RBFOX1: variants seen among roughly 807,000 people sequenced by gnomAD.
The protein encoded by RBFOX1 is RNA binding fox-1 homolog 1.
In RBFOX1, 8 loss-of-function variants were observed where a neutral mutation model predicts 57.7. The observed-to-expected ratio is 0.14, with a 90% CI of 0.08 to 0.25. RBFOX1 has a LOEUF of 0.25. Among genes scored for constraint, RBFOX1 ranks in the 10% least tolerant of loss-of-function variants. The pLI is 1.00. For synonymous variants in RBFOX1, 326 were observed against 222.4 expected, an observed-to-expected ratio of 1.47 and a Z score of -4.15; for missense variants, 611 against 548.5, an observed-to-expected ratio of 1.11 and a Z score of -1.14.
intron 3 of RBFOX1, among the ~76,000 whole-genome samples, chr16:6,995,390 C>G (rs891133238): frequency 1.0e-4 from 15 of 150,644 alleles, no homozygotes; most frequent in African/African-American, 3.2e-4. Context: ...GGATTTTTCA[C>G]TTTATTATTG....
intron 1 of RBFOX1, among the ~76,000 whole-genome samples, chr16:5,417,567 A>G (rs971881610): frequency 7.2e-5 from 11 of 152,092 alleles, no homozygotes; most frequent in African/African-American, 2.7e-4. Context: ...GGCTTAAGAG[A>G]AGGAAAACAA....
At chr16:6,887,668 T>A (rs1412120780) in intron 3 of RBFOX1, among the ~76,000 whole-genome samples, 2 of 68,912 alleles carry the variant, frequency 2.9e-5, no homozygotes, top group South Asian at 5.8e-4. Flanking sequence ...TCCATAGTCA[T>A]TTTTTTTTTT....
intron 11 of RBFOX1, among the ~76,000 whole-genome samples, chr16:7,639,029 A>G (rs2062285965): frequency 2.6e-5 from 4 of 152,066 alleles, no homozygotes; most frequent in African/African-American, 7.3e-5. Context: ...CCTGGTACCT[A>G]TTAAGATCAA....
At chr16:6,032,856 G>A (rs1250160623) in intron 1 of RBFOX1, among the ~76,000 whole-genome samples, 1 of 149,368 alleles carries the variant, frequency 6.7e-6, no homozygotes, top group Non-Finnish European at 1.5e-5. Context: ...CAGAAAAGTG[G>A]TTTCAAAATG....
At chr16:5,623,070 A>G (rs1482778298) in intron 3 of RBFOX1, among the ~76,000 whole-genome samples, 1 of 152,100 alleles carries the variant, frequency 6.6e-6, no homozygotes, top group Non-Finnish European at 1.5e-5. Flanking sequence ...GGAGTCTTGG[A>G]ACCAACCCCT....
intron 2 of RBFOX1, among the ~76,000 whole-genome samples, chr16:6,596,766 T>C (rs2097780243): frequency 2.0e-5 from 3 of 152,198 alleles, no homozygotes; most frequent in African/African-American, 7.2e-5. Context: ...TTCTTGGATA[T>C]ACATGCATGC....
intron 1 of RBFOX1, among the ~76,000 whole-genome samples, chr16:5,258,928 GTCTC>G (rs2062658346): frequency 6.6e-6 from 1 of 151,538 alleles, no homozygotes; most frequent in Admixed American, 6.6e-5. Flanking sequence ...AAAAAAAGAA[GTCTC>G]TCACTGTGGT....
chr16:6,903,778 G>A (rs114478040), intron 3 of RBFOX1, among the ~76,000 whole-genome samples: 166 of 152,254 alleles, frequency 1.1e-3, no homozygotes, highest in African/African-American at 3.8e-3. Context: ...AGGGCCTTTC[G>A]GAGCTGCCGC....
chr16:7,060,462 A>G (rs1007504910), intron 4 of RBFOX1, among the ~76,000 whole-genome samples: 6 of 152,212 alleles, frequency 3.9e-5, no homozygotes, highest in Non-Finnish European at 8.8e-5. Context: ...GCCTGAAGTT[A>G]TTTCTATATC....
chr16:5,469,525 C>G (rs531423284), intron 2 of RBFOX1, among the ~76,000 whole-genome samples: 9 of 152,268 alleles, frequency 5.9e-5, no homozygotes, highest in Non-Finnish European at 1.2e-4. Flanking sequence ...ATTCATATAA[C>G]ATGAAGTTAG....
At chr16:5,762,759 T>C (rs570647271) in intron 3 of RBFOX1, among the ~76,000 whole-genome samples, 6 of 152,360 alleles carry the variant, frequency 3.9e-5, no homozygotes, top group Non-Finnish European at 7.3e-5. Context: ...AAATATGATT[T>C]GGTAAACACG....
chr16:6,807,141 T>A (rs2087044900), intron 3 of RBFOX1, among the ~76,000 whole-genome samples: 1 of 151,872 alleles, frequency 6.6e-6, no homozygotes, highest in Non-Finnish European at 1.5e-5. Flanking sequence ...GCCTCTTTTT[T>A]TCCTTTTAAT....
chr16:5,668,639 A>G lies in RBFOX1; in HGVS notation c.318+69678A>G, dbSNP rs116146816. Among the ~76,000 whole-genome samples the G allele has an allele frequency of 3.3e-5, 5 of 152,292 alleles. No individual in the cohort carries two copies. In the East Asian group the frequency reaches 9.7e-4, roughly 29 times the overall value. The stretch of plus-strand genomic sequence containing the variant: ...GTAGGTGTGTTATGCATAACTCTTC[A>G]TTTTAACCAAACCAGCAGTTTCTTC... On this transcript the variant is annotated intron_variant, in intron 3 of 19. Coordinates refer to the RBFOX1 transcript ENST00000641259.
rs7190331 is a variant in RBFOX1 at position 7,408,229 on chromosome 16, C to T, written c.28-109918C>T. 8.5e-3 allele frequency among the ~76,000 whole-genome samples: 1,298 copies of T among 152,274 alleles called. 17 individuals are homozygous for T. The highest frequency in any genetic ancestry group is 0.029 in the African/African-American group (1,206 of 41,540). On this transcript the variant is annotated intron_variant, in intron 4 of 15. Transcript: ENST00000550418. ...AAAGTCTCAAGTTAAGGGAGACTGA[C>T]ACTCAAATCATTTAGATTTTTTTTT... is the stretch of plus-strand genomic sequence containing the variant.
intron 12 of RBFOX1, among the ~76,000 whole-genome samples, chr16:7,663,532 T>TGTGTGTGTG (rs1555736041): frequency 6.6e-6 from 1 of 150,512 alleles, no homozygotes; most frequent in African/African-American, 2.5e-5. Context: ...TGTGTGTGTG[T>TGTGTGTGTG]TGTAAAATGC....
At chr16:5,416,079 C>T (rs909763771) in intron 1 of RBFOX1, among the ~76,000 whole-genome samples, 1 of 152,186 alleles carries the variant, frequency 6.6e-6, no homozygotes, top group Non-Finnish European at 1.5e-5. Flanking sequence ...AAATTTAAGT[C>T]TTACACTGGG....
At chr16:5,287,836 C>A (rs1186158688) in intron 1 of RBFOX1, among the ~76,000 whole-genome samples, 1 of 152,220 alleles carries the variant, frequency 6.6e-6, no homozygotes, top group Admixed American at 6.5e-5. Context: ...TGCTCCGATT[C>A]TTCAGTGGGA....
At chr16:5,343,298 G>GTTTTTTTTTTTTTTTTT (rs33934959) in intron 1 of RBFOX1, among the ~76,000 whole-genome samples, 12 of 109,946 alleles carry the variant, frequency 1.1e-4, no homozygotes, top group East Asian at 3.0e-4. Context: ...CTTCTTTGAA[G>GTTTTTTTTTTTTTTTTT]TTTTTTTTTT....
At chr16:6,793,074 C>G (rs998638483) in intron 3 of RBFOX1, among the ~76,000 whole-genome samples, 2 of 151,888 alleles carry the variant, frequency 1.3e-5, no homozygotes, top group African/African-American at 4.8e-5. Flanking sequence ...ATCTGTTAGC[C>G]ACTTGGATGC....
Sources: gnomAD v4.1 joint callset for allele counts (sites outside exome capture counted in the v4.1 genomes callset) on GRCh38, gnomAD v4.1.1 for gene constraint, MANE v1.5 for transcripts, NCBI Gene and HGNC (gene_info 2026-07-23, HGNC 2026-07-21) for gene names.